The following CELSR1 variants were observed in gnomAD, a reference collection of about 807,000 sequenced individuals.
The protein encoded by CELSR1 is cadherin EGF LAG seven-pass G-type receptor 1.
A neutral mutation model predicts 249.1 loss-of-function variants in CELSR1; 110 were observed. The ratio of observed to expected loss-of-function variants is 0.44; its 90% confidence interval spans 0.38 to 0.52. The LOEUF (loss-of-function observed/expected upper bound fraction) is 0.52, where lower values mean the gene tolerates loss of function less well. Ranked by LOEUF, CELSR1 falls within the 20% of genes least tolerant of loss-of-function variation. CELSR1 has a pLI of 0.00. For missense variants in CELSR1, 4,109 were observed against 4,296.4 expected, an observed-to-expected ratio of 0.96 and a Z score of 1.22; for synonymous variants, 2,113 against 1,900.0, an observed-to-expected ratio of 1.11 and a Z score of -2.92.
At position 46,380,737 on chromosome 22, in the gene CELSR1, G is replaced by A. The variant is rs534263300; in HGVS notation, c.7256+51C>T. 5.7e-6 allele frequency: 9 copies of A among 1,591,274 alleles called. No individual in the cohort carries two copies. Among genetic ancestry groups the A allele is most frequent in the Non-Finnish European group, 7.7e-6 (9 of 1,167,358 alleles). On this transcript the variant is annotated intron_variant, in intron 22 of 34. Transcript: ENST00000674500. The surrounding 1 kb of genome is among the most constrained non-coding windows in gnomAD (Gnocchi z 5.1). ...CCACTGAGCCCCCGACCCTGCGGGG[G>A]CACTCTGCCTTGGCAAAGCCCTCAC... is the stretch of plus-strand genomic sequence containing the variant.
At position 46,381,810 on chromosome 22, in the gene CELSR1, C is replaced by T. The variant is rs1477050961; in HGVS notation, c.7088+36G>A. 33 of 1,522,370 alleles carry T rather than the reference C, an allele frequency of 2.2e-5. No homozygotes were observed. Among genetic ancestry groups the T allele is most frequent in the South Asian group, 4.8e-5 (4 of 83,504 alleles). The allele number at this position is 1,522,370 out of a possible 1,614,324, so 94.3% of individuals were successfully genotyped here. A position where few individuals can be genotyped will look rare whatever the true frequency, so the allele number is the denominator to read the frequency against. On this transcript the variant is annotated intron_variant, in intron 21 of 34. Transcript: ENST00000674500. This position sits in a 1 kb window ranked among gnomAD's most constrained non-coding sequence, Gnocchi z 6.0. The stretch of plus-strand genomic sequence containing the variant: ...GTGGAAGCCTCAGGAGCCTCCAGAA[C>T]GGGCCCTCCCCGTGTGCCCCGTGCC...
chr22:46,390,353 C>A lies in CELSR1; in HGVS notation c.6345+39G>T. 2 of 1,504,212 alleles carry A rather than the reference C, an allele frequency of 1.3e-6. No homozygotes were observed. The highest frequency in any genetic ancestry group is 1.4e-5 in the African/African-American group (1 of 71,932). The allele number at this position is 1,504,212 out of a possible 1,614,324, so 93.2% of individuals were successfully genotyped here. A position where few individuals can be genotyped will look rare whatever the true frequency, so the allele number is the denominator to read the frequency against. ...TCTCTCACGCATACACGAACACACA[C>A]GTGCCCCTGCTGAACACACATCCCC... On this transcript the variant is annotated intron_variant, in intron 17 of 34. Coordinates refer to ENST00000674500, the MANE Select transcript of CELSR1 (RefSeq NM_001378328.1). This position sits in a 1 kb window ranked among gnomAD's most constrained non-coding sequence, Gnocchi z 6.3.
In CELSR1 at chr22:46,446,616, G is replaced by C. The variant is rs921009519; in HGVS notation, c.4184-7205C>G. Among the ~76,000 whole-genome samples, 1 of 152,064 alleles carries C rather than the reference G, an allele frequency of 6.6e-6. No individual in the cohort carries two copies. Among genetic ancestry groups the C allele is most frequent in the Non-Finnish European group, 1.5e-5 (1 of 68,006 alleles). On this transcript the variant is annotated intron_variant, in intron 2 of 34. Transcript: ENST00000674500. The surrounding 1 kb of genome is among the most constrained non-coding windows in gnomAD (Gnocchi z 5.5). ...AGGGAGGGTCGCAGGGGGTCGGTGG[G>C]GGGGAAAGCTGGGTCCATAGCAGGT...
At position 46,391,599 on chromosome 22, in the gene CELSR1, TGTAACCTGCAGGGTGTCGA is replaced by T. The variant is rs1313464967; in HGVS notation, c.6148+15_6148+33del. 13 of 1,550,786 alleles carry T rather than the reference TGTAACCTGCAGGGTGTCGA, an allele frequency of 8.4e-6. No individual in the cohort carries two copies. Among genetic ancestry groups the T allele is most frequent in the Non-Finnish European group, 1.1e-5 (13 of 1,156,606 alleles). On this transcript the variant is annotated intron_variant, in intron 15 of 34. Transcript: ENST00000674500. This position sits in a 1 kb window ranked among gnomAD's most constrained non-coding sequence, Gnocchi z 4.3. ...CCAGTGCAGCAGCCTGTCCCCGCGCTGTAACCTGCAGGGTGTCGAGGGGCAACGCGGACCTTCACAGCCG... is the reference window on the plus strand; with the variant it reads ...CCAGTGCAGCAGCCTGTCCCCGCGCTGGGGCAACGCGGACCTTCACAGCCG...
At chr22:46,386,994 G>A (rs1444555777) in intron 18 of CELSR1, among the ~76,000 whole-genome samples, 1 of 152,162 alleles carries the variant, frequency 6.6e-6, no homozygotes, top group Non-Finnish European at 1.5e-5. Context: ...CTGACCTCAG[G>A]TGATTCACCT....
intron 2 of CELSR1, among the ~76,000 whole-genome samples, chr22:46,463,374 G>A (rs1410054331): frequency 6.6e-6 from 1 of 152,276 alleles, no homozygotes; most frequent in East Asian, 1.9e-4. Context: ...AAATTAGCTG[G>A]GCGTGGTGGC....
intron 1 of CELSR1, among the ~76,000 whole-genome samples, chr22:46,516,227 A>T (rs2080626222): frequency 1.3e-5 from 2 of 152,216 alleles, no homozygotes; most frequent in African/African-American, 4.8e-5. Flanking sequence ...CCAATGATAG[A>T]CTGGATTAAG....
chr22:46,524,582 G>C (rs1392981992), intron 1 of CELSR1, among the ~76,000 whole-genome samples: 1 of 150,272 alleles, frequency 6.7e-6, no homozygotes, highest in African/African-American at 2.4e-5. Flanking sequence ...CTGTCTGTCT[G>C]TGTGTTTTGT....
intron 1 of CELSR1, among the ~76,000 whole-genome samples, chr22:46,507,145 C>A (rs2080522982): frequency 6.6e-6 from 1 of 152,150 alleles, no homozygotes; most frequent in Non-Finnish European, 1.5e-5. Flanking sequence ...GAGACCGCAC[C>A]ACTGCACTCC....
intron 1 of CELSR1, among the ~76,000 whole-genome samples, chr22:46,504,814 A>G (rs536013482): frequency 7.2e-5 from 11 of 152,270 alleles, no homozygotes; most frequent in African/African-American, 2.6e-4. Context: ...CCTCAGCAAA[A>G]CCTCAAAAGT....
chr22:46,438,830 C>T (rs1386254306), intron 3 of CELSR1, among the ~76,000 whole-genome samples: 1 of 152,204 alleles, frequency 6.6e-6, no homozygotes, highest in Non-Finnish European at 1.5e-5. Flanking sequence ...ACAGTCTCAG[C>T]TCACTGCAAC....
intron 5 of CELSR1, among the ~76,000 whole-genome samples, chr22:46,415,657 C>T (rs373338600): frequency 2.9e-4 from 44 of 151,886 alleles, no homozygotes; most frequent in African/African-American, 1.0e-3. Flanking sequence ...GGGTGGGCAT[C>T]CCCCCTCACC....
Position 46,391,836 on chromosome 22 carries a change from G to A in CELSR1, c.5965-20C>T. ...ATTCTCCTGCAAAAGCCAGAGGCAG[G>A]GCCTGTGACTTCAGATGCCCGGGAG... On this transcript the variant is annotated intron_variant, in intron 14 of 34. Transcript: ENST00000674500. This position sits in a 1 kb window ranked among gnomAD's most constrained non-coding sequence, Gnocchi z 4.3. 6.2e-7 allele frequency: 1 copy of A among 1,601,582 alleles called. No individual in the cohort carries two copies.
rs1334537430 is a variant in CELSR1, at chr22:46,473,634, G to A, written c.3545-9289C>T. On this transcript the variant is annotated intron_variant, in intron 1 of 34. Coordinates refer to ENST00000674500, the MANE Select transcript of CELSR1 (RefSeq NM_001378328.1). The surrounding 1 kb of genome is among the most constrained non-coding windows in gnomAD (Gnocchi z 6.6). ...GGGTCCAGAGTCATTCCCCGTGGCCGGCTGTGATCACATCCACAGAGCGTT... is the reference window on the plus strand; with the variant it reads ...GGGTCCAGAGTCATTCCCCGTGGCCAGCTGTGATCACATCCACAGAGCGTT... Among the ~76,000 whole-genome samples, 1 of 152,166 alleles carries A rather than the reference G, an allele frequency of 6.6e-6. No individual in the cohort carries two copies. Among genetic ancestry groups the A allele is most frequent in the Non-Finnish European group, 1.5e-5 (1 of 68,034 alleles).
At position 46,390,805 on chromosome 22, in the gene CELSR1, G is replaced by A. The variant is rs533520955; in HGVS notation, c.6251-319C>T. Among the ~76,000 whole-genome samples, 1 of 152,314 alleles carries A rather than the reference G, an allele frequency of 6.6e-6. No individual in the cohort carries two copies. The highest frequency in any genetic ancestry group is 1.5e-5 in the Non-Finnish European group (1 of 68,024). ...CATGCACCAGGAATCCATTTCGGCT[G>A]GGCCTTTCCTTGCCTCACTGGATTT... On this transcript the variant is annotated intron_variant, in intron 16 of 34. Transcript: ENST00000674500. The surrounding 1 kb of genome is among the most constrained non-coding windows in gnomAD (Gnocchi z 6.3).
chr22:46,374,155 GGAGGC>G lies in CELSR1; in HGVS notation c.7585-1103_7585-1099del, dbSNP rs1208352690. On this transcript the variant is annotated intron_variant, in intron 24 of 34. Transcript: ENST00000674500. The surrounding 1 kb of genome is among the most constrained non-coding windows in gnomAD (Gnocchi z 4.3). ...TCAGACTGTGGCCTCGGTCAGGAAA[GGAGGC>G]GCGAGCGTGTGGCTGGAGAACTCTA... 6.6e-6 allele frequency among the ~76,000 whole-genome samples: 1 copy of G among 152,266 alleles called. No individual in the cohort carries two copies. Among genetic ancestry groups the G allele is most frequent in the Non-Finnish European group, 1.5e-5 (1 of 68,052 alleles).
chr22:46,388,003 A>C (rs9627438), intron 18 of CELSR1, among the ~76,000 whole-genome samples: 13,929 of 152,144 alleles, frequency 0.092, 797 homozygotes, highest in African/African-American at 0.16. Context: ...TCTGTGTGAA[A>C]GACTGGGTGG....
intron 26 of CELSR1, among the ~76,000 whole-genome samples, chr22:46,369,459 C>T (rs1945331373): frequency 6.6e-6 from 1 of 152,248 alleles, no homozygotes; most frequent in Admixed American, 6.5e-5. Flanking sequence ...GTGCGGGACC[C>T]TCCTGGGTGC....
chr22:46,433,471 T>A lies in CELSR1; in HGVS notation c.4533A>T (p.Thr1511=), dbSNP rs748878924. 1 of 1,598,736 alleles carries A rather than the reference T, an allele frequency of 6.3e-7. No individual in the cohort carries two copies. Among genetic ancestry groups the A allele is most frequent in the Admixed American group, 1.7e-5 (1 of 59,500 alleles). ...VQLTFSAGET[T]TTVAPKVPSG... is the part of the protein sequence containing the mutation. ...TGGGAACCTTCGGTGCCACGGTCGTTGTTGTCTCGCCTGCATGGTGGGAGG... is the reference window on the plus strand; with the variant it reads ...TGGGAACCTTCGGTGCCACGGTCGTAGTTGTCTCGCCTGCATGGTGGGAGG... The change falls in exon 5 of 35, where the codon ACA becomes ACT. Residue 1511 remains threonine, a synonymous_variant. Transcript: ENST00000674500. This position sits in a 1 kb window ranked among gnomAD's most constrained non-coding sequence, Gnocchi z 5.7.
Sources: allele counts gnomAD v4.1 joint callset (sites outside exome capture counted in the v4.1 genomes callset), GRCh38; gene constraint gnomAD v4.1.1; non-coding constraint Gnocchi (gnomAD v3.1); transcripts MANE v1.5; gene names NCBI Gene and HGNC (gene_info 2026-07-23, HGNC 2026-07-21).